Variants in TBC1D10A observed in about 807,000 individuals in gnomAD.
TBC1D10A encodes EBP50-PDX interactor of 64 kDa.
Under a neutral mutation model 52.9 loss-of-function variants are expected in TBC1D10A, and 24 were observed. That is an observed-to-expected ratio of 0.45 (90% confidence interval 0.33 to 0.64). The LOEUF (loss-of-function observed/expected upper bound fraction) is 0.64, where lower values mean the gene tolerates loss of function less well. Ranked by LOEUF, TBC1D10A falls within the 30% of genes least tolerant of loss-of-function variation. TBC1D10A has a pLI of 0.02. For synonymous variants in TBC1D10A, 278 were observed against 282.9 expected, an observed-to-expected ratio of 0.98 and a Z score of 0.17; for missense variants, 602 against 687.9, an observed-to-expected ratio of 0.88 and a Z score of 1.40.
At position 30,292,438 on chromosome 22, in the gene TBC1D10A, G is replaced by A. The variant is rs922319543; in HGVS notation, c.1464C>T (p.Val488=). 5 of 1,600,330 alleles carry A rather than the reference G, an allele frequency of 3.1e-6. No homozygotes were observed. The highest frequency in any genetic ancestry group is 1.3e-5 in the African/African-American group (1 of 74,730). The change falls in exon 9 of 9, where the codon GTC becomes GTT. Residue 488 remains valine, a synonymous_variant. Coordinates refer to ENST00000215790, the MANE Select transcript of TBC1D10A (RefSeq NM_031937.3). ...TCTCCTGGGAGCGGTGGTGGGCTGAGACCTGGGGAGCCAAATCCTGAGGGG... is the reference window on the plus strand; with the variant it reads ...TCTCCTGGGAGCGGTGGTGGGCTGAAACCTGGGGAGCCAAATCCTGAGGGG... ...DSAPQDLAPQ[V]SAHHRSQESL... is the part of the protein sequence containing the mutation.
rs747908846 is a variant in TBC1D10A, at chr22:30,293,708, G to A, written c.993C>T (p.Ile331=). The A allele has an allele frequency of 3.2e-5, 51 of 1,612,810 alleles. No homozygotes were observed. Among genetic ancestry groups the A allele is most frequent in the South Asian group, 2.9e-4 (26 of 91,076 alleles). The change falls in exon 8 of 9, where the codon ATC becomes ATT. Residue 331 remains isoleucine (I), a synonymous_variant. Transcript: ENST00000215790. Reference sequence around the variant, plus strand: ...TGGGGCTGAGGCTCCGCAGTCGCTCGATGGTCTCGTACTGGCCCTGGCAGG... The same window carrying A: ...TGGGGCTGAGGCTCCGCAGTCGCTCAATGGTCTCGTACTGGCCCTGGCAGG... ...VKACQGQYET[I]ERLRSLSPKI... is the part of the protein sequence containing the mutation.
At chr22:30,299,253 C>T in intron 3 of TBC1D10A, 191 bp downstream of exon 3, 1 of 577,538 alleles carries the variant, frequency 1.7e-6, no homozygotes, top group South Asian at 2.1e-5. Context: ...TTGTACAGAC[C>T]CTCCAGGAGA....
chr22:30,321,980 C>CTT (rs869153008), intron 1 of TBC1D10A, among the ~76,000 whole-genome samples: 18 of 139,270 alleles, frequency 1.3e-4, no homozygotes, highest in African/African-American at 2.4e-4. Context: ...GGTCCTGGGC[C>CTT]TTTTTTTTTT....
intron 1 of TBC1D10A, among the ~76,000 whole-genome samples, chr22:30,319,845 C>T (rs772628242): frequency 6.6e-6 from 1 of 152,164 alleles, no homozygotes; most frequent in Non-Finnish European, 1.5e-5. Context: ...GTACTGTCTG[C>T]AGGATAAAGT....
At chr22:30,306,622 C>CA (rs1214112759) in intron 1 of TBC1D10A, among the ~76,000 whole-genome samples, 2 of 152,186 alleles carry the variant, frequency 1.3e-5, no homozygotes, top group Non-Finnish European at 2.9e-5. Context: ...CAGAAACAAA[C>CA]AAAAAACCCA....
At chr22:30,293,598 AC>A (rs1354785609) in intron 8 of TBC1D10A, 52 bp downstream of exon 8, 2 of 1,570,868 alleles carry the variant, frequency 1.3e-6, no homozygotes, top group African/African-American at 1.4e-5. Context: ...CCTTCAAAGG[AC>A]CCCCACCTGT....
intron 1 of TBC1D10A, among the ~76,000 whole-genome samples, chr22:30,322,323 G>T (rs1930671827): frequency 6.6e-6 from 1 of 152,108 alleles, no homozygotes; most frequent in Non-Finnish European, 1.5e-5. Flanking sequence ...AGCCAAGCCA[G>T]AAGAACTAAT....
intron 1 of TBC1D10A, among the ~76,000 whole-genome samples, chr22:30,320,526 T>C (rs1930630847): frequency 6.6e-6 from 1 of 152,112 alleles, no homozygotes; most frequent in Admixed American, 6.6e-5. Flanking sequence ...GTTCTGCCAT[T>C]TACCAGCTGG....
chr22:30,299,626 G>A (rs141507505), intron 2 of TBC1D10A, 75 bp from the exon 3 acceptor site: 78 of 1,371,282 alleles, frequency 5.7e-5, no homozygotes, highest in Middle Eastern at 3.6e-4. Context: ...CTGCCAATGC[G>A]TGGTGGGCCC....
chr22:30,308,377 C>T (rs1364939577), intron 1 of TBC1D10A, among the ~76,000 whole-genome samples: 1 of 125,084 alleles, frequency 8.0e-6, no homozygotes, highest in African/African-American at 3.4e-5. Context: ...TGTCCTCCAA[C>T]CTGAAGATCT....
In TBC1D10A at chr22:30,293,802, AC is replaced by A; in HGVS notation, c.898del (p.Val300SerfsTer12). On this transcript the variant is annotated frameshift_variant and splice_region_variant, in exon 8 of 9. Transcript: ENST00000215790. LOFTEE classifies it high-confidence loss of function. ...RVWDMFFCEG[V>X]KIIFRVGLVL... ...CAGCCCCACCCGGAAGATGATCTTG[AC>A]CCCTGCATGGGGGATGGGCAGTAAG... is the stretch of plus-strand genomic sequence containing the variant. 6.2e-7 allele frequency: 1 copy of A among 1,610,776 alleles called. No homozygotes were observed. The highest frequency in any genetic ancestry group is 8.5e-7 in the Non-Finnish European group (1 of 1,177,914).
chr22:30,294,286 C>G (rs767236706), intron 6 of TBC1D10A, among the ~76,000 whole-genome samples, 176 bp from the exon 7 acceptor site: 4 of 152,118 alleles, frequency 2.6e-5, no homozygotes, highest in Non-Finnish European at 5.9e-5. Context: ...GCCAGCTGGT[C>G]CCCTGGAGGG....
intron 1 of TBC1D10A, among the ~76,000 whole-genome samples, chr22:30,310,664 G>C (rs576836279): frequency 1.3e-5 from 2 of 152,240 alleles, no homozygotes; most frequent in African/African-American, 4.8e-5. Flanking sequence ...TACTAGCTCT[G>C]CCAAGCACTA....
At chr22:30,313,685 G>A (rs1001289116) in intron 1 of TBC1D10A, among the ~76,000 whole-genome samples, 2 of 147,260 alleles carry the variant, frequency 1.4e-5, no homozygotes, top group African/African-American at 2.5e-5. Context: ...ACAGGCGTGA[G>A]CCACCGTGCC....
chr22:30,293,434 C>T (rs113724330), intron 8 of TBC1D10A: 8 of 759,610 alleles, frequency 1.1e-5, no homozygotes, highest in South Asian at 3.0e-5. Context: ...CATTCCCAAG[C>T]GGCTCGGATC....
At chr22:30,313,842 G>C (rs1314002785) in intron 1 of TBC1D10A, among the ~76,000 whole-genome samples, 2 of 152,042 alleles carry the variant, frequency 1.3e-5, no homozygotes, top group African/African-American at 4.8e-5. Flanking sequence ...ACTTGATAAA[G>C]AGCATTCCCT....
In TBC1D10A at chr22:30,314,307, T is replaced by C. The variant is rs896956945; in HGVS notation, c.210-9677A>G. Reference sequence around the variant, plus strand: ...GGACTCAGAGGCACAAGCTGTGTGATGCTTGGCAAGTCACTTTGCCTCTCT... The same window carrying C: ...GGACTCAGAGGCACAAGCTGTGTGACGCTTGGCAAGTCACTTTGCCTCTCT... On this transcript the variant is annotated intron_variant, in intron 1 of 8. Transcript: ENST00000215790. Among the ~76,000 whole-genome samples, 9 of 152,250 alleles carry C rather than the reference T, an allele frequency of 5.9e-5. No individual in the cohort carries two copies. The East Asian group carries it at 1.7e-3, about 29-fold the overall frequency.
rs186800174 is a variant in TBC1D10A, at chr22:30,300,423, G to A, written c.310-872C>T. The A allele has an allele frequency of 2.4e-3, 364 of 150,964 alleles. 1 individual carries two copies. Among genetic ancestry groups the A allele is most frequent in the African/African-American group, 7.9e-3 (325 of 41,118 alleles). 9.4% of individuals were successfully genotyped at this position (150,964 alleles called of 1,614,324 possible). A position where few individuals can be genotyped will look rare whatever the true frequency, so the allele number is the denominator to read the frequency against. On this transcript the variant is annotated intron_variant, in intron 2 of 8. Coordinates refer to ENST00000215790, the MANE Select transcript of TBC1D10A (RefSeq NM_031937.3). ...AAGATCGTGCCACTGCACTCCAGCC[G>A]GGGCGACAGACCGAGACTCTGTTTC...
intron 3 of TBC1D10A, chr22:30,298,456 G>A (rs919089087): frequency 1.6e-4 from 25 of 152,494 alleles, no homozygotes; most frequent in African/African-American, 6.0e-4. Context: ...GCCCTCTCCA[G>A]GTCAACAGCA....
Sources: allele counts gnomAD v4.1 joint callset (sites outside exome capture counted in the v4.1 genomes callset), GRCh38; gene constraint gnomAD v4.1.1; transcripts MANE v1.5; gene names NCBI Gene and HGNC (gene_info 2026-07-23, HGNC 2026-07-21).